The following GSKIP variants were observed in gnomAD, a reference collection of about 807,000 sequenced individuals.
GSKIP encodes the protein GSK3B-interacting protein.
A neutral mutation model predicts 11.9 loss-of-function variants in GSKIP; 5 were observed. The ratio of observed to expected loss-of-function variants is 0.42; its 90% CI spans 0.22 to 0.89. The LOEUF is 0.89. Ranked by LOEUF, GSKIP falls within the 40% of genes least tolerant of loss-of-function variation. The pLI, the probability that GSKIP is intolerant of heterozygous loss-of-function variation, is 0.29. For missense variants in GSKIP, 150 were observed against 166.6 expected, an observed-to-expected ratio of 0.90 and a Z score of 0.55; for synonymous variants, 70 against 62.9, an observed-to-expected ratio of 1.11 and a Z score of -0.54.
intron 1 of GSKIP, among the ~76,000 whole-genome samples, chr14:96,373,553 CTG>C (rs1037995298): frequency 3.3e-5 from 5 of 151,798 alleles, no homozygotes; most frequent in Admixed American, 1.3e-4. Flanking sequence ...TAATTTCTAA[CTG>C]TGAGTGTATT....
chr14:96,379,335 G>A (rs1025595888), intron 1 of GSKIP, among the ~76,000 whole-genome samples: 4 of 152,118 alleles, frequency 2.6e-5, no homozygotes, highest in Non-Finnish European at 5.9e-5. Flanking sequence ...AGAATTTCAT[G>A]TATTAATTAG....
Position 96,382,329 on chromosome 14 carries a change from A to T in GSKIP, c.82A>T (p.Thr28Ser), listed in dbSNP as rs1294989957. 4.3e-6 allele frequency: 7 copies of T among 1,613,668 alleles called. No individual in the cohort carries two copies. The highest frequency in any genetic ancestry group is 1.6e-4 in the Middle Eastern group (1 of 6,084). ...TTCAGAGCTGAACGGTTTTGAAGGA[A>T]CTGACATGAAAGACATGAGGCTCGA... The part of the protein sequence containing the change: ...EGSELNGFEG[T>S]DMKDMRLEAE... Residue 28 changes from threonine (T) to serine (S), a missense_variant, in exon 3 of 4, where the codon ACT becomes TCT. Thr to Ser is a moderately conservative substitution (Grantham distance 58, BLOSUM62 1). Transcript: ENST00000555181.
At chr14:96,384,239 A>G (rs1889427451) in intron 3 of GSKIP, among the ~76,000 whole-genome samples, 1 of 152,154 alleles carries the variant, frequency 6.6e-6, no homozygotes, top group Non-Finnish European at 1.5e-5. Context: ...CATGCATAAG[A>G]CATGATCCCT....
chr14:96,370,828 C>T (rs1889027437), intron 1 of GSKIP, among the ~76,000 whole-genome samples: 1 of 152,178 alleles, frequency 6.6e-6, no homozygotes, highest in Non-Finnish European at 1.5e-5. Context: ...AGAAATTACC[C>T]AGCCTCACAT....
intron 1 of GSKIP, among the ~76,000 whole-genome samples, chr14:96,372,993 G>T (rs958859891): frequency 7.9e-5 from 12 of 152,170 alleles, no homozygotes; most frequent in Admixed American, 7.2e-4. Flanking sequence ...CACTTGGGAG[G>T]CTGAGGTGGG....
chr14:96,384,372 G>A (rs1889431254), intron 3 of GSKIP, among the ~76,000 whole-genome samples: 1 of 151,500 alleles, frequency 6.6e-6, no homozygotes, highest in Non-Finnish European at 1.5e-5. Context: ...TTTTCCTTAG[G>A]TGTCTGCCTC....
Position 96,385,587 on chromosome 14 carries a change from ACTC to A in GSKIP, c.326_328del (p.Ser109del). The A allele has an allele frequency of 6.2e-7, 1 of 1,612,976 alleles. No homozygotes were observed. The highest frequency in any genetic ancestry group is 2.2e-5 in the East Asian group (1 of 44,852). ...CAGACTCCCTACCATGAAACAGTCT[ACTC>A]CTTGTTGGATACACTCAGCCCCGCC... is the stretch of plus-strand genomic sequence containing the variant. On this transcript the variant is annotated inframe_deletion, in exon 4 of 4. Coordinates refer to ENST00000555181, the MANE Select transcript of GSKIP (RefSeq NM_016472.5).
At chr14:96,366,980 A>G (rs962291568) in intron 1 of GSKIP, among the ~76,000 whole-genome samples, 3 of 152,160 alleles carry the variant, frequency 2.0e-5, no homozygotes, top group Admixed American at 6.5e-5. Flanking sequence ...AGGGCTCCAC[A>G]CCTCACGGCT....
At chr14:96,380,442 A>C (rs185010205) in intron 2 of GSKIP, 13 of 152,118 alleles carry the variant, frequency 8.5e-5, no homozygotes, top group Non-Finnish European at 1.8e-4. Context: ...CTGCACAGCA[A>C]AATCACTCAG....
Position 96,386,888 on chromosome 14 carries a change from A to G in GSKIP, c.*1204A>G, listed in dbSNP as rs575045993. ...GGTCACCTAAAGCAGCTGCTATAGA[A>G]ATGTTGAACTAAAATTTTGCATCTG... On this transcript the variant is annotated 3_prime_UTR_variant, in exon 4 of 4. Transcript: ENST00000555181. The G allele has an allele frequency of 5.2e-5, 8 of 152,758 alleles. No individual in the cohort carries two copies. In the East Asian group the frequency reaches 1.5e-3, roughly 29 times the overall value. 9.5% of individuals were successfully genotyped at this position (152,758 alleles called of 1,614,324 possible).
chr14:96,371,696 C>G (rs532759296), intron 1 of GSKIP, among the ~76,000 whole-genome samples: 186 of 152,336 alleles, frequency 1.2e-3, no homozygotes, highest in Non-Finnish European at 2.1e-3. Flanking sequence ...ATCCACCTGC[C>G]TCAGCCTCCC....
chr14:96,386,812 A>G lies in GSKIP; in HGVS notation c.*1128A>G, dbSNP rs1444999439. ...TTAATAAACTGTACCATGCTGCTGCATGTTTTCAAGTACATGTTGAACAGT... is the reference window on the plus strand; with the variant it reads ...TTAATAAACTGTACCATGCTGCTGCGTGTTTTCAAGTACATGTTGAACAGT... On this transcript the variant is annotated 3_prime_UTR_variant, in exon 4 of 4. Coordinates refer to ENST00000555181, the MANE Select transcript of GSKIP (RefSeq NM_016472.5). 1 of 152,676 alleles carries G rather than the reference A, an allele frequency of 6.5e-6. No homozygotes were observed. Among genetic ancestry groups the G allele is most frequent in the Admixed American group, 6.5e-5 (1 of 15,290 alleles). 9.5% of individuals were successfully genotyped at this position (152,676 alleles called of 1,614,324 possible).
intron 1 of GSKIP, among the ~76,000 whole-genome samples, chr14:96,367,452 C>G (rs1328898912): frequency 2.0e-5 from 3 of 152,140 alleles, no homozygotes; most frequent in Non-Finnish European, 4.4e-5. Flanking sequence ...GATATCGTAT[C>G]CTGCCCTCAG....
At chr14:96,374,634 C>T (rs987716877) in intron 1 of GSKIP, among the ~76,000 whole-genome samples, 2 of 152,110 alleles carry the variant, frequency 1.3e-5, no homozygotes, top group East Asian at 1.9e-4. Context: ...CCCAAATAGC[C>T]GGGACTGCAG....
At chr14:96,380,319 T>G (rs952487457) in intron 2 of GSKIP, 2 of 152,228 alleles carry the variant, frequency 1.3e-5, no homozygotes, top group African/African-American at 2.4e-5. Context: ...GCTTTACATA[T>G]GTTATTATAA....
intron 1 of GSKIP, among the ~76,000 whole-genome samples, chr14:96,374,522 G>A (rs1003574411): frequency 2.0e-5 from 3 of 152,084 alleles, no homozygotes; most frequent in Admixed American, 1.3e-4. Flanking sequence ...TGTGATAGTC[G>A]AGAAACATCT....
In GSKIP at chr14:96,382,385, T is replaced by C; in HGVS notation, c.138T>C (p.Phe46=). ...AAGCAGTTGTAAATGATGTTCTCTT[T>C]GCTGTTAACAACATGTTTGTCTCGA... ...EAEAVVNDVL[F]AVNNMFVSKS... The change falls in exon 3 of 4, where the codon TTT becomes TTC. Residue 46 remains phenylalanine, a synonymous_variant. Coordinates refer to ENST00000555181, the MANE Select transcript of GSKIP (RefSeq NM_016472.5). The C allele has an allele frequency of 6.2e-7, 1 of 1,614,086 alleles. No individual in the cohort carries two copies. Among genetic ancestry groups the C allele is most frequent in the Admixed American group, 1.7e-5 (1 of 60,018 alleles).
chr14:96,366,588 A>G (rs1888890483), intron 1 of GSKIP, among the ~76,000 whole-genome samples: 1 of 152,222 alleles, frequency 6.6e-6, no homozygotes, highest in Non-Finnish European at 1.5e-5. Context: ...GCATTAATTA[A>G]GGAAGATGAA....
intron 1 of GSKIP, among the ~76,000 whole-genome samples, chr14:96,375,625 G>T (rs991567984): frequency 6.6e-6 from 1 of 151,904 alleles, no homozygotes; most frequent in Non-Finnish European, 1.5e-5. Flanking sequence ...GTAGAGATGG[G>T]GTTTCACCAT....
Sources: allele counts gnomAD v4.1 joint callset (sites outside exome capture counted in the v4.1 genomes callset), GRCh38; gene constraint gnomAD v4.1.1; transcripts MANE v1.5; gene names NCBI Gene and HGNC (gene_info 2026-07-23, HGNC 2026-07-21).